Variants in UNC13C observed in about 807,000 individuals in gnomAD.
The protein encoded by UNC13C is unc-13 homolog C.
UNC13C carries 174 observed loss-of-function variants against 245.4 expected under a neutral mutation model. That is an observed-to-expected ratio of 0.71 (90% confidence interval 0.63 to 0.80). The LOEUF (loss-of-function observed/expected upper bound fraction) is 0.80, where lower values mean the gene tolerates loss of function less well. Ranked by LOEUF, UNC13C falls within the 30% of genes least tolerant of loss-of-function variation. The pLI is 0.00. For missense variants in UNC13C, 2,829 were observed against 2,602.9 expected, an observed-to-expected ratio of 1.09 and a Z score of -1.89; for synonymous variants, 992 against 895.1, an observed-to-expected ratio of 1.11 and a Z score of -1.93.
intron 19 of UNC13C, among the ~76,000 whole-genome samples, chr15:54,476,663 T>A: frequency 6.6e-6 from 1 of 151,808 alleles, no homozygotes; most frequent in African/African-American, 2.4e-5. Flanking sequence ...GTTCCATTGA[T>A]CTATATCTCT....
intron 2 of UNC13C, among the ~76,000 whole-genome samples, chr15:54,121,269 T>C (rs2030650145): frequency 6.6e-6 from 1 of 152,144 alleles, no homozygotes; most frequent in African/African-American, 2.4e-5. Context: ...TTCATCACAA[T>C]GGAGGCAATA....
At chr15:53,940,177 T>C in the UNC13C span, among the ~76,000 whole-genome samples, 397 of 151,978 alleles carry the variant, frequency 2.6e-3, 1 homozygote, top group South Asian at 0.013. Flanking sequence ...TGTAAAAAGG[T>C]TTGGGGGAAG....
intron 4 of UNC13C, among the ~76,000 whole-genome samples, chr15:54,171,971 T>G (rs1379190008): frequency 6.6e-6 from 1 of 151,972 alleles, no homozygotes; most frequent in Non-Finnish European, 1.5e-5. Flanking sequence ...TGGATGCCAG[T>G]GGAGGTCGTT....
In UNC13C at chr15:54,592,222, C is replaced by T. The variant is rs186367531; in HGVS notation, c.6106+24275C>T. On this transcript the variant is annotated intron_variant, in intron 30 of 32. Transcript: ENST00000260323. Reference sequence around the variant, plus strand: ...CTCATTTTATGGCCTATCATATGGTCTATCTTGGAGAAAGTTCCATGCACT... The same window carrying T: ...CTCATTTTATGGCCTATCATATGGTTTATCTTGGAGAAAGTTCCATGCACT... Among the ~76,000 whole-genome samples the T allele has an allele frequency of 3.9e-5, 6 of 152,230 alleles. No individual in the cohort carries two copies. The East Asian group carries it at 1.2e-3, about 29-fold the overall frequency.
At chr15:54,378,745 A>G (rs115120777) in intron 17 of UNC13C, among the ~76,000 whole-genome samples, 1,594 of 152,030 alleles carry the variant, frequency 0.01, 36 homozygotes, top group African/African-American at 0.037. Flanking sequence ...TCCTATGTTC[A>G]GTTACTATTT....
At chr15:54,330,951 T>C (rs565008374) in intron 14 of UNC13C, among the ~76,000 whole-genome samples, 13 of 152,174 alleles carry the variant, frequency 8.5e-5, no homozygotes, top group Non-Finnish European at 1.5e-4. Context: ...TTTCTTATAC[T>C]GATGTATAAA....
intron 2 of UNC13C, among the ~76,000 whole-genome samples, chr15:54,077,356 C>T (rs1898681312): frequency 2.7e-5 from 3 of 110,080 alleles, no homozygotes; most frequent in Admixed American, 1.1e-4. Context: ...TTTATTTTTC[C>T]TTTTCTTTTC....
intron 4 of UNC13C, among the ~76,000 whole-genome samples, chr15:54,230,866 T>C (rs753183853): frequency 2.0e-5 from 3 of 152,094 alleles, no homozygotes; most frequent in Non-Finnish European, 4.4e-5. Context: ...TAAATGTGTA[T>C]AGTTATGATG....
the UNC13C span, among the ~76,000 whole-genome samples, chr15:53,941,076 C>G: frequency 6.6e-6 from 1 of 152,110 alleles, no homozygotes; most frequent in Admixed American, 6.5e-5. Flanking sequence ...CTACAGTAAC[C>G]AAGACACCAT....
intron 2 of UNC13C, among the ~76,000 whole-genome samples, chr15:54,109,105 G>T (rs557275093): frequency 6.6e-6 from 1 of 152,058 alleles, no homozygotes; most frequent in African/African-American, 2.4e-5. Flanking sequence ...AATGACAGAC[G>T]TTTCCTATTT....
intron 27 of UNC13C, among the ~76,000 whole-genome samples, chr15:54,548,977 C>T (rs1896614244): frequency 1.3e-5 from 2 of 152,120 alleles, no homozygotes; most frequent in Non-Finnish European, 2.9e-5. Context: ...ATCTAGATAA[C>T]ATTTGTTCAG....
chr15:54,546,632 T>C, intron 26 of UNC13C, 90 bp from the exon 27 acceptor site: 1 of 690,304 alleles, frequency 1.4e-6, no homozygotes, highest in South Asian at 4.1e-5. Context: ...ATTTAGTAAA[T>C]GGAATTTAGC....
intron 13 of UNC13C, among the ~76,000 whole-genome samples, chr15:54,316,097 G>T (rs1034509887): frequency 1.2e-4 from 18 of 151,950 alleles, no homozygotes; most frequent in African/African-American, 4.1e-4. Context: ...TGAAGAACTA[G>T]AGTTCCTTGC....
At chr15:53,990,359 A>G (rs1894330902) in intron 1 of UNC13C, among the ~76,000 whole-genome samples, 1 of 151,950 alleles carries the variant, frequency 6.6e-6, no homozygotes, top group African/African-American at 2.4e-5. Context: ...AACCCAGCAA[A>G]GTTTAGGAAG....
At chr15:53,991,733 A>G (rs1005050563) in intron 1 of UNC13C, among the ~76,000 whole-genome samples, 1 of 152,084 alleles carries the variant, frequency 6.6e-6, no homozygotes, top group Non-Finnish European at 1.5e-5. Flanking sequence ...GTTGCAACTT[A>G]TTATGGTAAT....
chr15:54,220,096 G>C (rs937911965), intron 4 of UNC13C, among the ~76,000 whole-genome samples: 6 of 146,742 alleles, frequency 4.1e-5, no homozygotes, highest in South Asian at 2.2e-4. Flanking sequence ...CCATTACTGG[G>C]TATATACCCA....
chr15:54,438,157 A>C (rs566536346), intron 19 of UNC13C, among the ~76,000 whole-genome samples: 1 of 152,058 alleles, frequency 6.6e-6, no homozygotes, highest in East Asian at 1.9e-4. Context: ...AACAGCTCAC[A>C]TTAACTTTTC....
chr15:54,022,911 T>A (rs759770155), intron 2 of UNC13C, among the ~76,000 whole-genome samples: 8 of 152,098 alleles, frequency 5.3e-5, no homozygotes, highest in Non-Finnish European at 8.8e-5. Flanking sequence ...GATCCAACAG[T>A]AAAATTCATC....
At chr15:53,929,898 G>T in the UNC13C span, among the ~76,000 whole-genome samples, 3 of 152,090 alleles carry the variant, frequency 2.0e-5, no homozygotes, top group African/African-American at 4.8e-5. Flanking sequence ...AGATGCTACC[G>T]GTGATACAGA....
Sources: gnomAD v4.1 joint callset for allele counts (sites outside exome capture counted in the v4.1 genomes callset) on GRCh38, gnomAD v4.1.1 for gene constraint, MANE v1.5 for transcripts, NCBI Gene and HGNC (gene_info 2026-07-23, HGNC 2026-07-21) for gene names.